The following AKAP6 variants were observed in gnomAD, a reference collection of about 807,000 sequenced individuals.
AKAP6 encodes the protein A-kinase anchoring protein 6.
Under a neutral mutation model 188.5 loss-of-function variants are expected in AKAP6, and 58 were observed. The ratio of observed to expected loss-of-function variants is 0.31; its 90% CI spans 0.25 to 0.38. AKAP6 has a LOEUF of 0.38. AKAP6 is among the 10% of genes least tolerant of loss of function. The probability of loss-of-function intolerance (pLI) is 1.00; values close to 1 mark genes in which losing one functional copy is unlikely to be tolerated. For missense variants in AKAP6, 2,710 were observed against 2,740.0 expected (o/e 0.99, Z 0.24); for synonymous variants, 989 against 998.6 (o/e 0.99, Z 0.18).
chr14:32,730,399 A>G (rs1260970455), intron 9 of AKAP6, among the ~76,000 whole-genome samples: 1 of 152,218 alleles, frequency 6.6e-6, no homozygotes, highest in Non-Finnish European at 1.5e-5. Flanking sequence ...GTGACTACTT[A>G]TACGCATTTA....
At chr14:32,662,459 T>A (rs1288830386) in intron 7 of AKAP6, among the ~76,000 whole-genome samples, 4 of 152,144 alleles carry the variant, frequency 2.6e-5, no homozygotes, top group Non-Finnish European at 4.4e-5. Flanking sequence ...AGAAACCAGA[T>A]GAATCATCAG....
chr14:32,403,932 G>A lies in AKAP6; in HGVS notation c.-34-29528G>A, dbSNP rs114325407. Among the ~76,000 whole-genome samples the A allele has an allele frequency of 1.9e-3, 290 of 152,216 alleles. 1 individual carries two copies. Among genetic ancestry groups the A allele is most frequent in the African/African-American group, 6.7e-3 (277 of 41,532 alleles). ...TGTTGAATTATTTTGCAGAAATTATGTGGTTTTATTGTCTGCTAGGTGTAA... is the reference window on the plus strand; with the variant it reads ...TGTTGAATTATTTTGCAGAAATTATATGGTTTTATTGTCTGCTAGGTGTAA... On this transcript the variant is annotated intron_variant, in intron 1 of 13. Transcript: ENST00000280979.
chr14:32,741,721 C>T (rs1594899637), intron 11 of AKAP6, among the ~76,000 whole-genome samples: 1 of 149,796 alleles, frequency 6.7e-6, no homozygotes, highest in African/African-American at 2.5e-5. Flanking sequence ...TCCCCTTGGT[C>T]GTGATGAATA....
intron 9 of AKAP6, among the ~76,000 whole-genome samples, chr14:32,713,523 C>T (rs1471606283): frequency 6.6e-6 from 1 of 151,930 alleles, no homozygotes; most frequent in Non-Finnish European, 1.5e-5. Flanking sequence ...TTTCGTGTGG[C>T]CACCTTTATC....
chr14:32,482,841 C>A (rs1447140193), intron 2 of AKAP6, among the ~76,000 whole-genome samples: 3 of 152,006 alleles, frequency 2.0e-5, no homozygotes, highest in Admixed American at 2.0e-4. Flanking sequence ...TTAATTAGTC[C>A]TCTATTAATG....
At chr14:32,580,372 T>G (rs1884907500) in intron 5 of AKAP6, among the ~76,000 whole-genome samples, 1 of 152,074 alleles carries the variant, frequency 6.6e-6, no homozygotes, top group African/African-American at 2.4e-5. Flanking sequence ...TGTTGAACAT[T>G]CCCTCTTCTT....
intron 5 of AKAP6, among the ~76,000 whole-genome samples, chr14:32,595,495 C>T (rs1885656351): frequency 1.3e-5 from 2 of 152,080 alleles, no homozygotes; most frequent in Admixed American, 1.3e-4. Flanking sequence ...AGAATATAAA[C>T]TTCCATCTTG....
At position 32,655,229 on chromosome 14, in the gene AKAP6, C is replaced by T. The variant is rs191668354; in HGVS notation, c.2731-23082C>T. ...AGTTAAGGTATGAAGGCCCTACTTA[C>T]CTAGTCATTAACATTCTTTTATTTT... On this transcript the variant is annotated intron_variant, in intron 7 of 13. Transcript: ENST00000280979. Among the ~76,000 whole-genome samples, 55 of 152,268 alleles carry T rather than the reference C, an allele frequency of 3.6e-4. 1 individual carries two copies. Among genetic ancestry groups the T allele is most frequent in the African/African-American group, 1.3e-3 (53 of 41,568 alleles).
intron 12 of AKAP6, among the ~76,000 whole-genome samples, chr14:32,789,497 C>G (rs980770865): frequency 7.9e-5 from 12 of 152,210 alleles, no homozygotes; most frequent in African/African-American, 2.7e-4. Context: ...CAGTACCCTA[C>G]TGGAACGGAG....
At chr14:32,595,497 T>G (rs1885656472) in intron 5 of AKAP6, among the ~76,000 whole-genome samples, 1 of 152,086 alleles carries the variant, frequency 6.6e-6, no homozygotes, top group East Asian at 1.9e-4. Context: ...AATATAAACT[T>G]CCATCTTGTT....
chr14:32,780,337 TAAAAAGAA>T (rs2033210247), intron 12 of AKAP6, among the ~76,000 whole-genome samples: 1 of 151,368 alleles, frequency 6.6e-6, no homozygotes, highest in African/African-American at 2.4e-5. Flanking sequence ...ATATGGAATC[TAAAAAGAA>T]AAAAAGAAAG....
chr14:32,693,238 G>A (rs1890254984), intron 8 of AKAP6, among the ~76,000 whole-genome samples: 2 of 152,056 alleles, frequency 1.3e-5, no homozygotes, highest in Admixed American at 1.3e-4. Context: ...GCTTGGTCAG[G>A]GACCGGTGGT....
At chr14:32,726,015 G>A (rs2030853671) in intron 9 of AKAP6, among the ~76,000 whole-genome samples, 1 of 152,060 alleles carries the variant, frequency 6.6e-6, no homozygotes, top group African/African-American at 2.4e-5. Flanking sequence ...GAAAAATATT[G>A]ACTGCCACAA....
chr14:32,429,081 T>G (rs1299651459), intron 1 of AKAP6, among the ~76,000 whole-genome samples: 2 of 152,156 alleles, frequency 1.3e-5, no homozygotes, highest in Non-Finnish European at 2.9e-5. Context: ...GTCACTGGGT[T>G]CCAAAAAGCT....
At chr14:32,563,047 A>G in intron 4 of AKAP6, among the ~76,000 whole-genome samples, 1 of 152,186 alleles carries the variant, frequency 6.6e-6, no homozygotes. Flanking sequence ...GCTGGGAAGA[A>G]CTTCCAAAAC....
intron 1 of AKAP6, among the ~76,000 whole-genome samples, chr14:32,383,956 T>A (rs568294168): frequency 6.6e-6 from 1 of 152,206 alleles, no homozygotes; most frequent in Non-Finnish European, 1.5e-5. Context: ...AAAGTTCTGA[T>A]GAACACTCCA....
intron 11 of AKAP6, among the ~76,000 whole-genome samples, chr14:32,741,460 A>G (rs1021385044): frequency 2.6e-5 from 4 of 151,932 alleles, no homozygotes; most frequent in Admixed American, 2.0e-4. Context: ...AAAGGTTTTC[A>G]GTTTTCTCCC....
At chr14:32,644,043 TA>T (rs1466565196) in intron 7 of AKAP6, among the ~76,000 whole-genome samples, 3 of 152,200 alleles carry the variant, frequency 2.0e-5, no homozygotes, top group Non-Finnish European at 4.4e-5. Flanking sequence ...AGAGAGCACA[TA>T]ATTTTGACTT....
Position 32,822,435 on chromosome 14 carries a change from A to G in AKAP6, c.4622A>G (p.Tyr1541Cys), listed in dbSNP as rs775588747. The change falls in exon 13 of 14, where the codon TAT becomes TGT. Residue 1541 changes from tyrosine to cysteine, a missense_variant. Physicochemically the swap from Tyr to Cys is radical, Grantham distance 194. Coordinates refer to ENST00000280979, the MANE Select transcript of AKAP6 (RefSeq NM_004274.5). ...TCTCATGAAATGGATCGCATTTCATATAAAAGTGGCAATATAGAAAAGACA... is the reference window on the plus strand; with the variant it reads ...TCTCATGAAATGGATCGCATTTCATGTAAAAGTGGCAATATAGAAAAGACA... ...SASHEMDRIS[Y>C]KSGNIEKTFT... The G allele has an allele frequency of 3.7e-6, 6 of 1,614,062 alleles. No homozygotes were observed. The highest frequency in any genetic ancestry group is 5.1e-6 in the Non-Finnish European group (6 of 1,179,962).
Sources: allele counts gnomAD v4.1 joint callset (sites outside exome capture counted in the v4.1 genomes callset), GRCh38; gene constraint gnomAD v4.1.1; transcripts MANE v1.5; gene names NCBI Gene and HGNC (gene_info 2026-07-23, HGNC 2026-07-21).